The following RBFOX1 variants were observed in gnomAD, a reference collection of about 807,000 sequenced individuals.
The protein encoded by RBFOX1 is RNA binding fox-1 homolog 1.
A neutral mutation model predicts 57.7 loss-of-function variants in RBFOX1; 8 were observed. The observed-to-expected ratio is 0.14, with a 90% CI of 0.08 to 0.25. The LOEUF (loss-of-function observed/expected upper bound fraction) is 0.25. RBFOX1 is among the 10% of genes least tolerant of loss of function. The probability of loss-of-function intolerance (pLI) is 1.00; values close to 1 mark genes in which losing one functional copy is unlikely to be tolerated. For synonymous variants in RBFOX1, 326 were observed against 222.4 expected (o/e 1.47, Z -4.15); for missense variants, 611 against 548.5 (o/e 1.11, Z -1.14).
At chr16:6,441,115 G>A (rs9932842) in intron 2 of RBFOX1, among the ~76,000 whole-genome samples, 32,881 of 152,022 alleles carry the variant, frequency 0.22, 3,826 homozygotes, top group East Asian at 0.3. Flanking sequence ...GCCCAGTGCC[G>A]TTGCTCTCAT....
chr16:6,966,663 G>A (rs1217141367), intron 3 of RBFOX1, among the ~76,000 whole-genome samples: 10 of 152,292 alleles, frequency 6.6e-5, no homozygotes, highest in East Asian at 3.9e-4. Flanking sequence ...TGTTAGGCAT[G>A]AGATAGTGCA....
intron 4 of RBFOX1, among the ~76,000 whole-genome samples, chr16:5,948,058 G>C (rs948977871): frequency 2.6e-5 from 4 of 152,162 alleles, no homozygotes; most frequent in South Asian, 4.1e-4. Flanking sequence ...GGAGAGGCAG[G>C]TGCACAAGGG....
At chr16:6,780,410 T>TTATATATATTTATATATATATTTA (rs1260316849) in intron 3 of RBFOX1, among the ~76,000 whole-genome samples, 1 of 79,202 alleles carries the variant, frequency 1.3e-5, no homozygotes, top group Non-Finnish European at 2.0e-5. Context: ...TTATATATAT[T>TTATATATATTTATATATATATTTA]TATATATATT....
chr16:5,479,812 G>T (rs1332056545), intron 2 of RBFOX1, among the ~76,000 whole-genome samples: 2 of 152,038 alleles, frequency 1.3e-5, no homozygotes. Context: ...ATTCATGGTG[G>T]TCAGACGTGT....
intron 3 of RBFOX1, among the ~76,000 whole-genome samples, chr16:6,824,983 G>GTTTTTTTGTTTTTTTTTT (rs2091916629): frequency 2.7e-5 from 1 of 36,878 alleles, no homozygotes; most frequent in Non-Finnish European, 5.9e-5. Context: ...TTCTTTCTTG[G>GTTTTTTTGTTTTTTTTTT]TTTTTTTTTT....
intron 3 of RBFOX1, among the ~76,000 whole-genome samples, chr16:5,700,460 G>A (rs11647709): frequency 0.55 from 83,237 of 152,052 alleles, 26,147 homozygotes; most frequent in Non-Finnish European, 0.72. Context: ...TCATGAAAGC[G>A]TTTCATGAAG....
At chr16:6,936,795 G>C (rs960455947) in intron 3 of RBFOX1, among the ~76,000 whole-genome samples, 1 of 152,014 alleles carries the variant, frequency 6.6e-6, no homozygotes, top group East Asian at 1.9e-4. Context: ...CCTCTTGAAA[G>C]CCTGTGCCCA....
chr16:5,250,130 AC>A (rs2062413027), intron 1 of RBFOX1, among the ~76,000 whole-genome samples: 1 of 114,006 alleles, frequency 8.8e-6, no homozygotes, highest in Non-Finnish European at 1.9e-5. Context: ...CTGTGTCTCA[AC>A]AAAAAAAAAA....
At chr16:6,591,666 G>C (rs1165889959) in intron 2 of RBFOX1, among the ~76,000 whole-genome samples, 3 of 151,986 alleles carry the variant, frequency 2.0e-5, no homozygotes, top group Non-Finnish European at 2.9e-5. Flanking sequence ...TGTGACACGG[G>C]GCAACTCTAG....
intron 2 of RBFOX1, among the ~76,000 whole-genome samples, chr16:6,514,131 T>C (rs1032160885): frequency 6.6e-6 from 1 of 152,196 alleles, no homozygotes; most frequent in Non-Finnish European, 1.5e-5. Context: ...TAATCAGCCC[T>C]AGGTGTCACG....
At chr16:7,384,701 G>A (rs1324827793) in intron 4 of RBFOX1, among the ~76,000 whole-genome samples, 1 of 152,186 alleles carries the variant, frequency 6.6e-6, no homozygotes, top group Non-Finnish European at 1.5e-5. Context: ...CCTAGACTTA[G>A]ACTTGCACGA....
intron 1 of RBFOX1, 84 bp from the exon 2 acceptor site, chr16:6,316,911 C>A: frequency 9.1e-7 from 1 of 1,096,318 alleles, no homozygotes; most frequent in Admixed American, 2.1e-5. Flanking sequence ...AAGGTTGGTC[C>A]ATATTACTAT....
chr16:6,471,108 C>T (rs907023573), intron 2 of RBFOX1, among the ~76,000 whole-genome samples: 1 of 152,146 alleles, frequency 6.6e-6, no homozygotes, highest in Admixed American at 6.5e-5. Flanking sequence ...TTACCTGTGC[C>T]CCCTTTCCCT....
At chr16:5,938,226 C>G (rs1183343314) in intron 4 of RBFOX1, among the ~76,000 whole-genome samples, 4 of 152,124 alleles carry the variant, frequency 2.6e-5, no homozygotes, top group African/African-American at 9.7e-5. Flanking sequence ...AAGTATATAG[C>G]TTTCAGGTTT....
At chr16:5,900,084 CAAACA>C (rs1430497393) in intron 4 of RBFOX1, among the ~76,000 whole-genome samples, 1 of 152,126 alleles carries the variant, frequency 6.6e-6, no homozygotes, top group Admixed American at 6.5e-5. Context: ...TCTCAAAAAC[CAAACA>C]AAACAAAACC....
intron 3 of RBFOX1, among the ~76,000 whole-genome samples, chr16:6,981,189 G>T (rs1411198490): frequency 6.6e-6 from 1 of 151,858 alleles, no homozygotes; most frequent in Admixed American, 6.6e-5. Flanking sequence ...TGTGATGGGG[G>T]TTTGTGGTAC....
intron 4 of RBFOX1, among the ~76,000 whole-genome samples, chr16:7,430,170 A>C (rs2098664991): frequency 6.6e-6 from 1 of 152,244 alleles, no homozygotes; most frequent in African/African-American, 2.4e-5. Context: ...TAGCACATTT[A>C]AATATTTTTG....
chr16:7,285,544 G>GCCC (rs2095633785), intron 4 of RBFOX1, among the ~76,000 whole-genome samples: 1 of 140,702 alleles, frequency 7.1e-6, no homozygotes, highest in Non-Finnish European at 1.5e-5. Context: ...AACCACCCCC[G>GCCC]CCCCCACTCC....
At chr16:6,637,556 A>AATATTC (rs2098455424) in intron 2 of RBFOX1, among the ~76,000 whole-genome samples, 1 of 133,834 alleles carries the variant, frequency 7.5e-6, no homozygotes, top group African/African-American at 2.8e-5. Context: ...TGCATAGTAT[A>AATATTC]TATAATATTC....
Sources: allele counts gnomAD v4.1 joint callset (sites outside exome capture counted in the v4.1 genomes callset), GRCh38; gene constraint gnomAD v4.1.1; transcripts MANE v1.5; gene names NCBI Gene and HGNC (gene_info 2026-07-23, HGNC 2026-07-21).